MIGA1: variants seen among roughly 807,000 people sequenced by gnomAD.
MIGA1 encodes the protein family with sequence similarity 73, member A.
A neutral mutation model predicts 82.0 loss-of-function variants in MIGA1; 58 were observed. That is an observed-to-expected ratio of 0.71 (90% confidence interval 0.57 to 0.88). MIGA1 has a LOEUF of 0.88. Ranked by LOEUF, MIGA1 falls within the 40% of genes least tolerant of loss-of-function variation. The probability of loss-of-function intolerance (pLI) is 0.00; values close to 1 mark genes in which losing one functional copy is unlikely to be tolerated. For synonymous variants in MIGA1, 249 were observed against 253.6 expected, an observed-to-expected ratio of 0.98 and a Z score of 0.17; for missense variants, 751 against 749.1, an observed-to-expected ratio of 1.00 and a Z score of -0.03.
At chr1:77,835,448 A>G (rs1334376095) in intron 7 of MIGA1, among the ~76,000 whole-genome samples, 2 of 152,144 alleles carry the variant, frequency 1.3e-5, no homozygotes, top group Non-Finnish European at 2.9e-5. Flanking sequence ...AAATGTTACC[A>G]AAAATAAAAA....
At position 77,807,103 on chromosome 1, in the gene MIGA1, T is replaced by C; in HGVS notation, c.637+2T>C. The C allele has an allele frequency of 1.9e-6, 3 of 1,573,620 alleles. No homozygotes were observed. The highest frequency in any genetic ancestry group is 1.7e-6 in the Non-Finnish European group (2 of 1,152,688). On this transcript the variant is annotated splice_donor_variant, in intron 5 of 15. Transcript: ENST00000370791. LOFTEE classifies it high-confidence loss of function. The stretch of plus-strand genomic sequence containing the variant: ...CTCCAGAGAACTTATACTTAATGGG[T>C]AGGAATGAGATGATAACATTTTAAG...
chr1:77,826,924 C>T (rs1684047944), intron 7 of MIGA1, among the ~76,000 whole-genome samples: 1 of 151,788 alleles, frequency 6.6e-6, no homozygotes, highest in Non-Finnish European at 1.5e-5. Flanking sequence ...CCTGCCTCAG[C>T]CTCCCGAGTA....
intron 7 of MIGA1, among the ~76,000 whole-genome samples, chr1:77,816,906 C>T (rs1205015802): frequency 3.3e-5 from 5 of 151,838 alleles, no homozygotes; most frequent in South Asian, 4.2e-4. Context: ...TGAAGTGGCA[C>T]GGAATGCCAC....
At chr1:77,793,626 AT>A (rs1279233492) in intron 2 of MIGA1, among the ~76,000 whole-genome samples, 400 of 131,376 alleles carry the variant, frequency 3.0e-3, no homozygotes, top group Middle Eastern at 4.9e-3. Flanking sequence ...TGCCCAGCTA[AT>A]TTTTTTTTTT....
In MIGA1 at chr1:77,872,912, T is replaced by C. The variant is rs1393355147; in HGVS notation, c.1564-92T>C. ...ACAAATTTTCTTAAACTCCCACTGG[T>C]CATATAATGAATAGCAACTTCAGTT... is the stretch of plus-strand genomic sequence containing the variant. On this transcript the variant is annotated intron_variant, in intron 14 of 15. Coordinates refer to ENST00000370791, the MANE Select transcript of MIGA1 (RefSeq NM_198549.4). 3 of 1,519,124 alleles carry C rather than the reference T, an allele frequency of 2.0e-6. No individual in the cohort carries two copies. In the African/African-American group the frequency reaches 4.2e-5, roughly 21 times the overall value. The allele number at this position is 1,519,124 out of a possible 1,614,324, so 94.1% of individuals were successfully genotyped here. A position where few individuals can be genotyped will look rare whatever the true frequency, so the allele number is the denominator to read the frequency against.
At position 77,779,880 on chromosome 1, in the gene MIGA1, G is replaced by A. The variant is rs1280227152; in HGVS notation, c.81+144G>A. The stretch of plus-strand genomic sequence containing the variant: ...GTTAGCTCTCGGAGTGCCAGGTGGA[G>A]CGGCGGAAAGCCAGAGGGTCTACGG... On this transcript the variant is annotated intron_variant, in intron 1 of 15. Transcript: ENST00000370791. 5 of 1,425,404 alleles carry A rather than the reference G, an allele frequency of 3.5e-6. No individual in the cohort carries two copies. In the Admixed American group the frequency reaches 1.2e-4, roughly 33 times the overall value. The allele number at this position is 1,425,404 out of a possible 1,614,324, so 88.3% of individuals were successfully genotyped here.
At chr1:77,868,770 T>TAG (rs1265319780) in intron 14 of MIGA1, 1 of 152,182 alleles carries the variant, frequency 6.6e-6, no homozygotes, top group African/African-American at 2.4e-5. Flanking sequence ...TAGAACATAC[T>TAG]TTTTGGCCCT....
chr1:77,818,525 C>T (rs1448053272), intron 7 of MIGA1, among the ~76,000 whole-genome samples: 4 of 152,104 alleles, frequency 2.6e-5, no homozygotes, highest in East Asian at 1.9e-4. Context: ...TGGTAACAAA[C>T]AATAGTGGCT....
At chr1:77,870,065 G>A (rs1472264868) in intron 14 of MIGA1, among the ~76,000 whole-genome samples, 1 of 118,366 alleles carries the variant, frequency 8.4e-6, no homozygotes, top group African/African-American at 3.1e-5. Context: ...TCACCTCCCG[G>A]ACTGGGCGGC....
intron 10 of MIGA1, 150 bp from the exon 11 acceptor site, chr1:77,859,890 G>T: frequency 1.8e-6 from 1 of 552,542 alleles, no homozygotes; most frequent in Non-Finnish European, 3.2e-6. Flanking sequence ...TTTTATTTTA[G>T]TAAATTAGGA....
intron 5 of MIGA1, chr1:77,811,380 A>C: frequency 4.4e-6 from 7 of 1,606,396 alleles, no homozygotes; most frequent in Non-Finnish European, 6.0e-6. Context: ...CCTCTTCTTC[A>C]TCTTCTTCAA....
intron 12 of MIGA1, chr1:77,862,045 G>C (rs1171076036): frequency 6.6e-6 from 1 of 150,820 alleles, no homozygotes; most frequent in Non-Finnish European, 1.5e-5. Flanking sequence ...GGAGGCCAAG[G>C]AACGAGAATT....
intron 8 of MIGA1, among the ~76,000 whole-genome samples, chr1:77,852,455 A>C (rs1570997871): frequency 6.6e-6 from 1 of 152,210 alleles, no homozygotes; most frequent in Admixed American, 6.5e-5. Flanking sequence ...TCATCTCTTC[A>C]TACCTTTTTT....
At chr1:77,867,302 A>G (rs1557937572) in intron 14 of MIGA1, among the ~76,000 whole-genome samples, 1 of 152,240 alleles carries the variant, frequency 6.6e-6, no homozygotes, top group East Asian at 1.9e-4. Flanking sequence ...TAAAAATAGA[A>G]TAGTAATAGT....
rs148341953 is a variant in MIGA1, at chr1:77,875,019, T to A, written c.1854T>A (p.His618Gln). The change falls in exon 16 of 16, where the codon CAT becomes CAA. Residue 618 changes from histidine to glutamine, a missense_variant. By Grantham distance (24) the His-to-Gln change is conservative (BLOSUM62 0). Around this residue, in one of 3 missense-constraint regions of MIGA1, gnomAD observed 265 missense variants for 293.6 expected, o/e 0.90. Transcript: ENST00000370791. Reference sequence around the variant, plus strand: ...ATACAAGTAGTTGTCTAAGCAGTCATGGTCATGTTATGTCCACTGGGCTAC... The same window carrying A: ...ATACAAGTAGTTGTCTAAGCAGTCAAGGTCATGTTATGTCCACTGGGCTAC... 3.1e-6 allele frequency: 5 copies of A among 1,614,188 alleles called. No individual in the cohort carries two copies. The highest frequency in any genetic ancestry group is 1.3e-5 in the African/African-American group (1 of 75,052).
rs1413497007 is a variant in MIGA1 at position 77,877,041 on chromosome 1, T to A, written c.*1977T>A. 1 of 152,182 alleles carries A rather than the reference T, an allele frequency of 6.6e-6. No homozygotes were observed. Among genetic ancestry groups the A allele is most frequent in the Non-Finnish European group, 1.5e-5 (1 of 68,044 alleles). 9.4% of individuals were successfully genotyped at this position (152,182 alleles called of 1,614,324 possible). A position where few individuals can be genotyped will look rare whatever the true frequency, so the allele number is the denominator to read the frequency against. On this transcript the variant is annotated 3_prime_UTR_variant, in exon 16 of 16. Coordinates refer to ENST00000370791, the MANE Select transcript of MIGA1 (RefSeq NM_198549.4). ...CTTCTTTTAAGAGATGGGGTCTCGC[T>A]CTATTGCCCAGGCTGGAGTGCAGTG...
intron 5 of MIGA1, among the ~76,000 whole-genome samples, chr1:77,807,858 G>A (rs896585055): frequency 2.2e-4 from 34 of 151,548 alleles, no homozygotes; most frequent in African/African-American, 8.0e-4. Context: ...TCTCACTCTC[G>A]CCCAGGCTAG....
At chr1:77,830,579 C>T (rs753795888) in intron 7 of MIGA1, among the ~76,000 whole-genome samples, 21 of 151,948 alleles carry the variant, frequency 1.4e-4, no homozygotes, top group Non-Finnish European at 2.8e-4. Flanking sequence ...ATCCCTCTTC[C>T]GCACCCCCCT....
chr1:77,862,404 G>A (rs1453588478), intron 12 of MIGA1, among the ~76,000 whole-genome samples: 3 of 150,230 alleles, frequency 2.0e-5, no homozygotes, highest in Non-Finnish European at 3.0e-5. Flanking sequence ...TCAAGATCGC[G>A]CCACTGTACT....
Sources: gnomAD v4.1 joint callset for allele counts (sites outside exome capture counted in the v4.1 genomes callset) on GRCh38, gnomAD v4.1.1 for gene constraint, gnomAD v4.1.1 regional missense constraint, MANE v1.5 for transcripts, NCBI Gene and HGNC (gene_info 2026-07-23, HGNC 2026-07-21) for gene names.